The following RBFOX1 variants were observed in gnomAD, a reference collection of about 807,000 sequenced individuals.
The protein encoded by RBFOX1 is RNA binding fox-1 homolog 1.
A neutral mutation model predicts 57.7 loss-of-function variants in RBFOX1; 8 were observed. That is an observed-to-expected ratio of 0.14 (90% confidence interval 0.08 to 0.25). The LOEUF is 0.25. RBFOX1 is among the 10% of genes least tolerant of loss of function. RBFOX1 has a pLI of 1.00. For missense variants in RBFOX1, 611 were observed against 548.5 expected, an observed-to-expected ratio of 1.11 and a Z score of -1.14; for synonymous variants, 326 against 222.4, an observed-to-expected ratio of 1.47 and a Z score of -4.15.
intron 4 of RBFOX1, among the ~76,000 whole-genome samples, chr16:7,075,159 G>A (rs2058073039): frequency 6.6e-6 from 1 of 152,182 alleles, no homozygotes; most frequent in Non-Finnish European, 1.5e-5. Flanking sequence ...CAGACAAGTT[G>A]GTTTTGTTCT....
intron 7 of RBFOX1, among the ~76,000 whole-genome samples, chr16:7,590,003 T>TA (rs376655103): frequency 6.6e-6 from 1 of 150,662 alleles, no homozygotes; most frequent in African/African-American, 2.4e-5. Context: ...CAGTGTCTCA[T>TA]ACCTAACATT....
intron 3 of RBFOX1, among the ~76,000 whole-genome samples, chr16:5,706,979 T>A (rs970291331): frequency 3.3e-5 from 5 of 152,136 alleles, no homozygotes; most frequent in Non-Finnish European, 5.9e-5. Context: ...AAGCCAAGCG[T>A]CCTGCGTAAA....
At chr16:6,864,214 G>A (rs2059521955) in intron 3 of RBFOX1, among the ~76,000 whole-genome samples, 3 of 151,930 alleles carry the variant, frequency 2.0e-5, no homozygotes, top group Admixed American at 2.0e-4. Context: ...TTTCTTCTAT[G>A]TCACTGTATT....
At chr16:5,312,721 C>G (rs183503433) in intron 1 of RBFOX1, among the ~76,000 whole-genome samples, 2 of 152,270 alleles carry the variant, frequency 1.3e-5, no homozygotes, top group Admixed American at 6.5e-5. Flanking sequence ...AAATGACCAA[C>G]AAACATAGGA....
chr16:7,580,345 G>C (rs17144179), intron 6 of RBFOX1, among the ~76,000 whole-genome samples: 49,368 of 151,940 alleles, frequency 0.32, 9,220 homozygotes, highest in East Asian at 0.53. Context: ...TCCCTGCATT[G>C]CCTAGTCTTT....
At chr16:6,878,272 G>A (rs1394493671) in intron 3 of RBFOX1, among the ~76,000 whole-genome samples, 2 of 152,164 alleles carry the variant, frequency 1.3e-5, no homozygotes, top group African/African-American at 4.8e-5. Context: ...TGATTTGAGT[G>A]AGGCCATGAG....
intron 2 of RBFOX1, among the ~76,000 whole-genome samples, chr16:6,433,645 G>A (rs1401011269): frequency 2.0e-5 from 3 of 152,118 alleles, no homozygotes; most frequent in Non-Finnish European, 4.4e-5. Context: ...GTTTTAGGGG[G>A]ATAAAATCCA....
At chr16:5,873,193 C>G (rs574523757) in intron 4 of RBFOX1, among the ~76,000 whole-genome samples, 16 of 148,904 alleles carry the variant, frequency 1.1e-4, no homozygotes, top group African/African-American at 4.0e-4. Context: ...AACAACAAAA[C>G]AATAATTAAA....
intron 4 of RBFOX1, among the ~76,000 whole-genome samples, chr16:7,236,258 T>G (rs1255846115): frequency 1.3e-5 from 2 of 152,222 alleles, no homozygotes; most frequent in African/African-American, 4.8e-5. Flanking sequence ...GTGCTTTGTA[T>G]GAGGTGCGAA....
At chr16:5,446,666 C>G (rs562718610) in intron 1 of RBFOX1, among the ~76,000 whole-genome samples, 5 of 151,998 alleles carry the variant, frequency 3.3e-5, no homozygotes, top group Non-Finnish European at 7.4e-5. Context: ...GAGAGGGGAT[C>G]GCTGTGATTC....
At chr16:7,119,474 C>A (rs922433263) in intron 4 of RBFOX1, among the ~76,000 whole-genome samples, 1 of 151,934 alleles carries the variant, frequency 6.6e-6, no homozygotes, top group Admixed American at 6.6e-5. Flanking sequence ...TTCAAAAATC[C>A]ATGGGGGGAG....
At chr16:6,130,669 A>G (rs1597598471) in intron 1 of RBFOX1, among the ~76,000 whole-genome samples, 1 of 152,264 alleles carries the variant, frequency 6.6e-6, no homozygotes, top group East Asian at 1.9e-4. Context: ...AGATTGAGTA[A>G]AAGAGTGGAA....
intron 4 of RBFOX1, among the ~76,000 whole-genome samples, chr16:7,102,042 C>G (rs1235448541): frequency 6.6e-6 from 1 of 152,120 alleles, no homozygotes; most frequent in Non-Finnish European, 1.5e-5. Context: ...GTGTTTGCAC[C>G]CATGCTGGGC....
intron 3 of RBFOX1, among the ~76,000 whole-genome samples, chr16:6,931,634 C>T (rs72772277): frequency 0.11 from 17,160 of 152,102 alleles, 1,197 homozygotes; most frequent in East Asian, 0.16. Context: ...TCTTTGCCAG[C>T]TTCTATCCCT....
chr16:5,513,994 G>T (rs1261207714), intron 2 of RBFOX1, among the ~76,000 whole-genome samples: 3 of 152,198 alleles, frequency 2.0e-5, no homozygotes, highest in Non-Finnish European at 4.4e-5. Flanking sequence ...GCTTTGTCAT[G>T]TATATAAATT....
intron 2 of RBFOX1, among the ~76,000 whole-genome samples, chr16:6,519,483 C>T (rs1225918851): frequency 6.6e-6 from 1 of 152,070 alleles, no homozygotes; most frequent in East Asian, 1.9e-4. Flanking sequence ...GGAAGATCAC[C>T]TGAGGTCAAG....
intron 3 of RBFOX1, among the ~76,000 whole-genome samples, chr16:6,996,275 G>A (rs1057038381): frequency 3.0e-4 from 45 of 152,110 alleles, no homozygotes; most frequent in African/African-American, 1.1e-3. Context: ...ATGATATTGA[G>A]TATCTCTACT....
intron 11 of RBFOX1, among the ~76,000 whole-genome samples, chr16:7,647,296 G>C (rs1199164251): frequency 1.3e-5 from 2 of 152,164 alleles, no homozygotes; most frequent in South Asian, 4.1e-4. Context: ...TGCCTGTTTT[G>C]AGAGAAATTC....
intron 3 of RBFOX1, among the ~76,000 whole-genome samples, chr16:5,627,165 G>A (rs1283210859): frequency 6.6e-6 from 1 of 152,062 alleles, no homozygotes; most frequent in Non-Finnish European, 1.5e-5. Flanking sequence ...GAAATTATTT[G>A]GGTAAGTTCA....
Sources: gnomAD v4.1 joint callset for allele counts (sites outside exome capture counted in the v4.1 genomes callset) on GRCh38, gnomAD v4.1.1 for gene constraint, MANE v1.5 for transcripts, NCBI Gene and HGNC (gene_info 2026-07-23, HGNC 2026-07-21) for gene names.